SRRM3: variants seen among roughly 807,000 people sequenced by gnomAD.
SRRM3 encodes the protein serine/arginine repetitive matrix 3.
Under a neutral mutation model 66.2 loss-of-function variants are expected in SRRM3, and 27 were observed. The ratio of observed to expected loss-of-function variants is 0.41; its 90% CI spans 0.30 to 0.56. The LOEUF (loss-of-function observed/expected upper bound fraction) is 0.56. Ranked by LOEUF, SRRM3 falls within the 20% of genes least tolerant of loss-of-function variation. The probability of loss-of-function intolerance (pLI) is 0.32; values close to 1 mark genes in which losing one functional copy is unlikely to be tolerated. For missense variants in SRRM3, 918 were observed against 991.9 expected (o/e 0.93, Z 1.00); for synonymous variants, 391 against 414.9 (o/e 0.94, Z 0.70).
In SRRM3 at chr7:76,267,413, G is replaced by A; in HGVS notation, c.986G>A (p.Gly329Asp). 7.2e-7 allele frequency: 1 copy of A among 1,382,080 alleles called. No individual in the cohort carries two copies. 85.6% of individuals were successfully genotyped at this position (1,382,080 alleles called of 1,614,324 possible). ...QRSGAHGGRP[G>D]SAHSPPDKPS... The stretch of plus-strand genomic sequence containing the variant: ...AGCGGAGCGCACGGGGGCCGCCCCG[G>A]CTCGGCGCACAGCCCGCCCGATGTA... The change falls in exon 11 of 15, where the codon GGC (glycine) becomes GAC (aspartate). Residue 329 changes from glycine (G) to aspartate (D), a missense_variant. By Grantham distance (94) the Gly-to-Asp change is moderately conservative. Coordinates refer to ENST00000611745, the MANE Select transcript of SRRM3 (RefSeq NM_001110199.3).
chr7:76,233,030 C>T (rs1199158328), intron 1 of SRRM3, among the ~76,000 whole-genome samples: 1 of 151,804 alleles, frequency 6.6e-6, no homozygotes, highest in Non-Finnish European at 1.5e-5. Flanking sequence ...GGGCTGGGCG[C>T]GGTGGCTCAC....
intron 1 of SRRM3, among the ~76,000 whole-genome samples, chr7:76,208,292 C>A (rs1800347568): frequency 6.6e-6 from 1 of 152,086 alleles, no homozygotes; most frequent in Non-Finnish European, 1.5e-5. Context: ...CCTCCAACCT[C>A]CAACCCTTTT....
At position 76,260,189 on chromosome 7, in the gene SRRM3, G is replaced by C; in HGVS notation, c.537G>C (p.Arg179=). The change falls in exon 5 of 15, where the codon CGG becomes CGC. Residue 179 remains arginine, a synonymous_variant. Transcript: ENST00000611745. ...AGAAGAAAAAGAAAGGCGGCCACCG[G>C]AGAAGCCGGTGAGAACCGCGCCTGA... ...KKKKKKKGGH[R]RSRKKRRLES... 1 of 1,540,796 alleles carries C rather than the reference G, an allele frequency of 6.5e-7. No individual in the cohort carries two copies. The highest frequency in any genetic ancestry group is 1.2e-5 in the South Asian group (1 of 83,250).
chr7:76,261,011 A>C (rs1801849309), intron 6 of SRRM3, 108 bp downstream of exon 6: 3 of 1,197,338 alleles, frequency 2.5e-6, no homozygotes, highest in Non-Finnish European at 3.5e-6. Flanking sequence ...CAGGGCCTGC[A>C]CCTGGACACT....
intron 1 of SRRM3, among the ~76,000 whole-genome samples, chr7:76,231,813 G>A (rs1563615886): frequency 6.6e-6 from 1 of 152,212 alleles, no homozygotes; most frequent in Non-Finnish European, 1.5e-5. Flanking sequence ...AAGATTCCCA[G>A]AGGAGGTGAT....
At chr7:76,212,322 T>A (rs1334184091) in intron 1 of SRRM3, among the ~76,000 whole-genome samples, 1 of 150,568 alleles carries the variant, frequency 6.6e-6, no homozygotes, top group Non-Finnish European at 1.5e-5. Context: ...CTAATTTTGC[T>A]AATTTTGTAT....
At chr7:76,206,171 C>A (rs1160590415) in intron 1 of SRRM3, among the ~76,000 whole-genome samples, 14 of 152,128 alleles carry the variant, frequency 9.2e-5, no homozygotes, top group African/African-American at 3.1e-4. Flanking sequence ...CCACACCAAG[C>A]AATTATTATT....
chr7:76,268,149 T>C (rs1802122086), intron 11 of SRRM3: 2 of 151,144 alleles, frequency 1.3e-5, no homozygotes, highest in Non-Finnish European at 2.9e-5. Flanking sequence ...CCCAAAACTG[T>C]CCCCACCCTT....
chr7:76,225,336 A>G (rs1320866404), intron 1 of SRRM3, among the ~76,000 whole-genome samples: 2 of 152,092 alleles, frequency 1.3e-5, no homozygotes, highest in Admixed American at 1.3e-4. Context: ...TCAAGTGCTT[A>G]CTTGAAGCTG....
chr7:76,231,629 T>C (rs1801018859), intron 1 of SRRM3, among the ~76,000 whole-genome samples: 1 of 152,240 alleles, frequency 6.6e-6, no homozygotes, highest in Non-Finnish European at 1.5e-5. Context: ...GGGTAGGCTC[T>C]AACGAGCCAG....
chr7:76,243,368 C>T (rs1178242232), intron 2 of SRRM3, among the ~76,000 whole-genome samples: 2 of 152,160 alleles, frequency 1.3e-5, no homozygotes, highest in East Asian at 3.9e-4. Context: ...GTGGTGGTCA[C>T]ATGAGACCAA....
intron 2 of SRRM3, among the ~76,000 whole-genome samples, chr7:76,235,899 G>A (rs1801133572): frequency 6.6e-6 from 1 of 150,998 alleles, no homozygotes. Context: ...CCAGCTACTC[G>A]GGAAGCTGAG....
At chr7:76,202,157 G>C (rs1011902717) in intron 1 of SRRM3, 90 bp downstream of exon 1, 106 of 152,538 alleles carry the variant, frequency 6.9e-4, no homozygotes, top group African/African-American at 2.4e-3. Flanking sequence ...TGGTCTGCAG[G>C]CTCCCCCGAG....
At chr7:76,263,637 A>T (rs1801933746) in intron 8 of SRRM3, among the ~76,000 whole-genome samples, 1 of 152,094 alleles carries the variant, frequency 6.6e-6, no homozygotes, top group South Asian at 2.1e-4. Context: ...AGGTGGGCAG[A>T]TCACTTGAGG....
chr7:76,204,554 C>T (rs1352591401), intron 1 of SRRM3, among the ~76,000 whole-genome samples: 1 of 152,178 alleles, frequency 6.6e-6, no homozygotes. Context: ...TCCACAACAC[C>T]ACTCTGCCCC....
Position 76,248,275 on chromosome 7 carries a change from G to A in SRRM3, c.321G>A (p.Arg107=), listed in dbSNP as rs1554606399. 5 of 1,613,174 alleles carry A rather than the reference G, an allele frequency of 3.1e-6. No individual in the cohort carries two copies. The Admixed American group carries it at 8.3e-5, about 27-fold the overall frequency. Residue 107 remains arginine (R), a synonymous_variant, in exon 3 of 15, where the codon CGG becomes CGA. Transcript: ENST00000611745. ...AGGGAGTGCTCACCAGGGAGGACCG[G>A]CCTGGGGGCCACATGTGAGTGCTTA... ...EKEGVLTRED[R]PGGHIVAETP...
chr7:76,260,629 A>G (rs574415472), intron 5 of SRRM3, among the ~76,000 whole-genome samples: 1 of 143,718 alleles, frequency 7.0e-6, no homozygotes, highest in African/African-American at 2.6e-5. Context: ...TGAATCCCCC[A>G]GAGCCAGACT....
intron 11 of SRRM3, among the ~76,000 whole-genome samples, chr7:76,273,809 T>C (rs782278896): frequency 3.4e-4 from 51 of 152,178 alleles, no homozygotes; most frequent in Admixed American, 5.9e-4. Context: ...GGTTTGTCAT[T>C]TGGTTTTCTT....
At position 76,275,020 on chromosome 7, in the gene SRRM3, C is replaced by T. The variant is rs988969090; in HGVS notation, c.1009-6421C>T. Among the ~76,000 whole-genome samples the T allele has an allele frequency of 6.6e-5, 10 of 151,356 alleles. No individual in the cohort carries two copies. In the East Asian group the frequency reaches 1.2e-3, roughly 18 times the overall value. On this transcript the variant is annotated intron_variant, in intron 11 of 14. Transcript: ENST00000611745. ...ACTTGGGAGGCTGAGGCAGGAGGAT[C>T]GCTTGAACCCGGGAGGCAGAGGCTG... is the stretch of plus-strand genomic sequence containing the variant.
Sources: allele counts gnomAD v4.1 joint callset (sites outside exome capture counted in the v4.1 genomes callset), GRCh38; gene constraint gnomAD v4.1.1; transcripts MANE v1.5; gene names NCBI Gene and HGNC (gene_info 2026-07-23, HGNC 2026-07-21).